KANK1: variants seen among roughly 807,000 people sequenced by gnomAD.
The protein encoded by KANK1 is KN motif and ankyrin repeat domains 1, also known as KN motif and ankyrin repeat domain-containing protein 1.
Under a neutral mutation model 106.2 loss-of-function variants are expected in KANK1, and 109 were observed. The observed-to-expected ratio is 1.03, with a 90% CI of 0.88 to 1.20. The LOEUF (loss-of-function observed/expected upper bound fraction) is 1.20, where lower values mean the gene tolerates loss of function less well. Ranked by LOEUF, KANK1 falls within the 50% of genes most tolerant of loss-of-function variation. The pLI, the probability that KANK1 is intolerant of heterozygous loss-of-function variation, is 0.00. For missense variants in KANK1, 2,399 were observed against 1,710.7 expected, an observed-to-expected ratio of 1.40 and a Z score of -7.10; for synonymous variants, 873 against 652.2, an observed-to-expected ratio of 1.34 and a Z score of -5.16.
chr9:721,413 A>G (rs1035024858), intron 3 of KANK1, among the ~76,000 whole-genome samples: 1 of 152,214 alleles, frequency 6.6e-6, no homozygotes, highest in Non-Finnish European at 1.5e-5. Flanking sequence ...AAGTCAATGT[A>G]AAAGAAAAAG....
intron 1 of KANK1, among the ~76,000 whole-genome samples, chr9:548,081 C>G (rs1366790240): frequency 2.0e-5 from 3 of 152,058 alleles, no homozygotes; most frequent in Non-Finnish European, 4.4e-5. Context: ...AAAACTATTT[C>G]TCATGTATTT....
At chr9:691,950 G>A (rs533189849) in intron 2 of KANK1, among the ~76,000 whole-genome samples, 241 of 152,112 alleles carry the variant, frequency 1.6e-3, no homozygotes, top group Non-Finnish European at 2.6e-3. Flanking sequence ...CTTCACCTTT[G>A]TCTAAGTACA....
chr9:515,812 C>T (rs1449825640), intron 1 of KANK1, among the ~76,000 whole-genome samples: 3 of 151,772 alleles, frequency 2.0e-5, no homozygotes, highest in African/African-American at 7.3e-5. Flanking sequence ...GCTTCGATGG[C>T]AGTGCTGTTA....
At chr9:621,243 C>G (rs185008186) in intron 1 of KANK1, among the ~76,000 whole-genome samples, 1 of 152,158 alleles carries the variant, frequency 6.6e-6, no homozygotes, top group African/African-American at 2.4e-5. Flanking sequence ...ATAATTGCAA[C>G]CAAAAGTAAA....
chr9:714,564 G>C (rs1468117760), intron 3 of KANK1, among the ~76,000 whole-genome samples: 1 of 151,902 alleles, frequency 6.6e-6, no homozygotes, highest in East Asian at 1.9e-4. Context: ...CACCACATTG[G>C]TCAGGCTGAT....
chr9:534,766 C>T (rs2060219047), intron 1 of KANK1, among the ~76,000 whole-genome samples: 1 of 152,178 alleles, frequency 6.6e-6, no homozygotes, highest in Non-Finnish European at 1.5e-5. Flanking sequence ...CTCCCAGAAA[C>T]TTGATAAAAG....
Position 732,568 on chromosome 9 carries a change from G to A in KANK1, c.3196G>A (p.Glu1066Lys). The change falls in exon 6 of 12, where the codon GAA (glutamate) becomes AAA (lysine). Residue 1066 changes from glutamate (E) to lysine (K), a missense_variant. By Grantham distance (56) the Glu-to-Lys change is moderately conservative. Coordinates refer to ENST00000382297, the MANE Select transcript of KANK1 (RefSeq NM_015158.5). ...TTTGAAGTCTGCCAGGGTGGAAGAT[G>A]AAATGCAGGTTCAAGAATGTGAACC... is the stretch of plus-strand genomic sequence containing the variant. ...EGLKSARVED[E>K]MQVQECEPEK... is the part of the protein sequence containing the mutation. The A allele has an allele frequency of 6.2e-7, 1 of 1,614,200 alleles. No homozygotes were observed. The highest frequency in any genetic ancestry group is 8.5e-7 in the Non-Finnish European group (1 of 1,180,028).
At chr9:633,910 C>T (rs1003970710) in intron 1 of KANK1, among the ~76,000 whole-genome samples, 16 of 152,192 alleles carry the variant, frequency 1.1e-4, no homozygotes, top group African/African-American at 3.9e-4. Flanking sequence ...CTCAGCCTCC[C>T]ACAGTGCTGG....
At chr9:598,502 T>C (rs1223778079) in intron 1 of KANK1, among the ~76,000 whole-genome samples, 1 of 151,502 alleles carries the variant, frequency 6.6e-6, no homozygotes, top group African/African-American at 2.4e-5. Flanking sequence ...ATATAGGATG[T>C]ATTTCCATTT....
rs78372063 is a variant in KANK1 at position 534,478 on chromosome 9, C to T, written c.-84+29724C>T. Among the ~76,000 whole-genome samples the T allele has an allele frequency of 1.2e-3, 180 of 152,262 alleles. 6 individuals are homozygous for T. The East Asian group carries it at 0.025, about 21-fold the overall frequency. ...TTCTCGAAAGAAAAGGGGAAAATGC[C>T]GCTCTTAAGCAAAAAATCTGGACCA... is the stretch of plus-strand genomic sequence containing the variant. On this transcript the variant is annotated intron_variant, in intron 1 of 11. Transcript: ENST00000382297.
At chr9:547,911 T>C (rs747441384) in intron 1 of KANK1, among the ~76,000 whole-genome samples, 1 of 152,244 alleles carries the variant, frequency 6.6e-6, no homozygotes, top group African/African-American at 2.4e-5. Context: ...CAGTCTTTCA[T>C]CATGTAATTT....
At chr9:505,000 C>A (rs542187633) in intron 1 of KANK1, among the ~76,000 whole-genome samples, 35 of 151,496 alleles carry the variant, frequency 2.3e-4, no homozygotes, top group Non-Finnish European at 4.7e-4. Flanking sequence ...CCGCGGCCGT[C>A]GGAGTTTGGC....
chr9:628,155 C>A (rs138730951), intron 1 of KANK1, among the ~76,000 whole-genome samples: 1 of 152,186 alleles, frequency 6.6e-6, no homozygotes, highest in African/African-American at 2.4e-5. Context: ...TAGCTTCTCT[C>A]CTGACTCTTG....
At chr9:649,097 T>G (rs1379644144) in intron 1 of KANK1, among the ~76,000 whole-genome samples, 1 of 152,180 alleles carries the variant, frequency 6.6e-6, no homozygotes, top group Non-Finnish European at 1.5e-5. Context: ...CTGTATCTCG[T>G]GAATAAGATA....
At chr9:722,470 T>G (rs1235518368) in intron 3 of KANK1, among the ~76,000 whole-genome samples, 1 of 152,170 alleles carries the variant, frequency 6.6e-6, no homozygotes, top group African/African-American at 2.4e-5. Flanking sequence ...GACTGAATTT[T>G]GTTTGTTGGC....
At chr9:502,799 T>C (rs767955598), upstream of KANK1, among the ~76,000 whole-genome samples, 3 of 152,032 alleles carry the variant, frequency 2.0e-5, no homozygotes, top group Non-Finnish European at 4.4e-5. Flanking sequence ...GTGCTGGGAT[T>C]ATAGGTGTGA....
intron 1 of KANK1, among the ~76,000 whole-genome samples, chr9:571,085 A>G (rs10975200): frequency 0.22 from 33,943 of 151,974 alleles, 4,380 homozygotes; most frequent in East Asian, 0.56. Context: ...ACCAGTTTGC[A>G]CCTCTGTTGT....
chr9:625,029 A>G (rs146760007), intron 1 of KANK1, among the ~76,000 whole-genome samples: 1 of 60,850 alleles, frequency 1.6e-5, no homozygotes, highest in Non-Finnish European at 3.1e-5. Context: ...GAAATGGAAG[A>G]TGAAATTGTG....
intron 2 of KANK1, chr9:677,599 C>T (rs1330447126): frequency 1.3e-5 from 2 of 152,324 alleles, no homozygotes; most frequent in South Asian, 2.1e-4. Flanking sequence ...AATCTGTACA[C>T]GAAATGCAGA....
Sources: allele counts gnomAD v4.1 joint callset (sites outside exome capture counted in the v4.1 genomes callset), GRCh38; gene constraint gnomAD v4.1.1; transcripts MANE v1.5; gene names NCBI Gene and HGNC (gene_info 2026-07-23, HGNC 2026-07-21).